Variants in MARCHF6 observed in about 807,000 individuals in gnomAD.
The protein encoded by MARCHF6 is E3 ubiquitin-protein ligase MARCHF6.
A neutral mutation model predicts 133.7 loss-of-function variants in MARCHF6; 31 were observed. The observed-to-expected ratio is 0.23, with a 90% CI of 0.17 to 0.31. The LOEUF (loss-of-function observed/expected upper bound fraction) is 0.31. Ranked by LOEUF, MARCHF6 falls within the 10% of genes least tolerant of loss-of-function variation. The pLI is 1.00. For synonymous variants in MARCHF6, 395 were observed against 402.5 expected (o/e 0.98, Z 0.22); for missense variants, 723 against 1,121.6 (o/e 0.64, Z 5.08).
chr5:10,434,060 G>C lies in MARCHF6; in HGVS notation c.*376G>C, dbSNP rs1561157428. The C allele has an allele frequency of 1.6e-5, 3 of 191,708 alleles. No homozygotes were observed. The highest frequency in any genetic ancestry group is 3.3e-5 in the Non-Finnish European group (3 of 91,708). The allele number at this position is 191,708 out of a possible 1,614,324, so 11.9% of individuals were successfully genotyped here. On this transcript the variant is annotated 3_prime_UTR_variant, in exon 26 of 26. Coordinates refer to ENST00000274140, the MANE Select transcript of MARCHF6 (RefSeq NM_005885.4). ...CCACAGAGCAGTAGTGCGCAGGCAA[G>C]ACTTTTCAGTGACGCCTTGTGGAAC...
chr5:10,371,515 G>A (rs1736462301), intron 1 of MARCHF6, among the ~76,000 whole-genome samples: 1 of 152,214 alleles, frequency 6.6e-6, no homozygotes, highest in Non-Finnish European at 1.5e-5. Context: ...GAGAGAGCAA[G>A]TGAGCTTGTG....
At chr5:10,421,038 A>G (rs1026632067) in intron 22 of MARCHF6, among the ~76,000 whole-genome samples, 4 of 152,156 alleles carry the variant, frequency 2.6e-5, no homozygotes, top group Non-Finnish European at 4.4e-5. Context: ...CCTTGCTGCA[A>G]TGAGTAATAA....
At chr5:10,372,316 TA>T (rs1440584872) in intron 1 of MARCHF6, among the ~76,000 whole-genome samples, 2 of 152,220 alleles carry the variant, frequency 1.3e-5, no homozygotes, top group Non-Finnish European at 2.9e-5. Flanking sequence ...TTAGTGGATA[TA>T]ATGCTTTATG....
chr5:10,386,738 C>A (rs574442460), intron 4 of MARCHF6, among the ~76,000 whole-genome samples: 1 of 152,058 alleles, frequency 6.6e-6, no homozygotes, highest in East Asian at 1.9e-4. Context: ...TAAGCTCATT[C>A]AATAAAAAAA....
At chr5:10,410,107 A>G in intron 17 of MARCHF6, 32 bp from the exon 18 acceptor site, 2 of 1,610,166 alleles carry the variant, frequency 1.2e-6, no homozygotes, top group Non-Finnish European at 1.7e-6. Flanking sequence ...TATGCAAAAT[A>G]CAATTCACAT....
chr5:10,374,032 C>G (rs1364872314), intron 1 of MARCHF6, among the ~76,000 whole-genome samples: 1 of 151,456 alleles, frequency 6.6e-6, no homozygotes, highest in African/African-American at 2.4e-5. Context: ...GTAGTGCCTA[C>G]TGAGGCGACC....
intron 1 of MARCHF6, among the ~76,000 whole-genome samples, chr5:10,360,387 C>T (rs914333021): frequency 6.6e-6 from 1 of 152,040 alleles, no homozygotes; most frequent in African/African-American, 2.4e-5. Flanking sequence ...GATCCATCTG[C>T]CTCAGCCTCC....
chr5:10,430,320 T>G (rs1740303595), intron 25 of MARCHF6, among the ~76,000 whole-genome samples: 1 of 149,070 alleles, frequency 6.7e-6, no homozygotes, highest in South Asian at 2.1e-4. Context: ...TTTTTTTTTT[T>G]TTTTGAGACG....
chr5:10,356,511 T>C (rs997933278), intron 1 of MARCHF6, among the ~76,000 whole-genome samples: 10 of 151,910 alleles, frequency 6.6e-5, no homozygotes, highest in African/African-American at 2.4e-4. Flanking sequence ...TTCTCCTGTC[T>C]CAGCCTCCTG....
chr5:10,364,214 G>A (rs2126651959), intron 1 of MARCHF6, among the ~76,000 whole-genome samples: 1 of 152,312 alleles, frequency 6.6e-6, no homozygotes, highest in South Asian at 2.1e-4. Context: ...AGGTAGAGCA[G>A]TTGGAATTTT....
At chr5:10,420,528 A>G (rs892551271) in intron 22 of MARCHF6, among the ~76,000 whole-genome samples, 11 of 152,198 alleles carry the variant, frequency 7.2e-5, no homozygotes, top group African/African-American at 2.7e-4. Context: ...CTGCCTTTTA[A>G]TGTTACGCAG....
chr5:10,383,807 C>G (rs1173987533), intron 4 of MARCHF6, among the ~76,000 whole-genome samples: 1 of 152,196 alleles, frequency 6.6e-6, no homozygotes, highest in Non-Finnish European at 1.5e-5. Context: ...TTTTGGGTAA[C>G]AGCCTGGAAC....
At chr5:10,366,454 A>G (rs1401493508) in intron 1 of MARCHF6, among the ~76,000 whole-genome samples, 1 of 152,252 alleles carries the variant, frequency 6.6e-6, no homozygotes, top group Non-Finnish European at 1.5e-5. Flanking sequence ...AACAAGGTCA[A>G]CATTAACAGT....
Position 10,435,663 on chromosome 5 carries a change from A to AC in MARCHF6, c.*1979_*1980insC, listed in dbSNP as rs1561159394. 17 of 6,946 alleles carry AC rather than the reference A, an allele frequency of 2.4e-3. No individual in the cohort carries two copies. The highest frequency in any genetic ancestry group is 0.017 in the African/African-American group (15 of 880). 0.4% of individuals were successfully genotyped at this position (6,946 alleles called of 1,614,324 possible). A position where few individuals can be genotyped will look rare whatever the true frequency, so the allele number is the denominator to read the frequency against. ...ACTATATATATATATATATATATAT[A>AC]TATATATATATATATATATATATAT... On this transcript the variant is annotated 3_prime_UTR_variant, in exon 26 of 26. Transcript: ENST00000274140.
At position 10,353,816 on chromosome 5, in the gene MARCHF6, G is replaced by T; in HGVS notation, c.-83G>T. The stretch of plus-strand genomic sequence containing the variant: ...GAGCGTACGCACCTGCCCGGGCCCG[G>T]CTCCCTCCTCCTCTCCCCTCCCTCT... On this transcript the variant is annotated 5_prime_UTR_variant, in exon 1 of 26. Coordinates refer to ENST00000274140, the MANE Select transcript of MARCHF6 (RefSeq NM_005885.4). 2 of 1,329,590 alleles carry T rather than the reference G, an allele frequency of 1.5e-6. No homozygotes were observed. The highest frequency in any genetic ancestry group is 1.0e-6 in the Non-Finnish European group (1 of 963,732). The allele number at this position is 1,329,590 out of a possible 1,614,324, so 82.4% of individuals were successfully genotyped here. A position where few individuals can be genotyped will look rare whatever the true frequency, so the allele number is the denominator to read the frequency against.
Position 10,438,150 on chromosome 5 carries a change from C to G in MARCHF6, c.*4466C>G, listed in dbSNP as rs994808856. 8 of 152,160 alleles carry G rather than the reference C, an allele frequency of 5.3e-5. No homozygotes were observed. Among genetic ancestry groups the G allele is most frequent in the Non-Finnish European group, 8.8e-5 (6 of 68,022 alleles). The allele number at this position is 152,160 out of a possible 1,614,324, so 9.4% of individuals were successfully genotyped here. On this transcript the variant is annotated 3_prime_UTR_variant, in exon 26 of 26. Coordinates refer to ENST00000274140, the MANE Select transcript of MARCHF6 (RefSeq NM_005885.4). ...CACTTCTGCATGTCTGCTACGAGAT[C>G]AGAAAGTCAGTTTCACTAAGGTTGT...
intron 8 of MARCHF6, 35 bp from the exon 9 acceptor site, chr5:10,394,718 C>T (rs190056591): frequency 6.5e-7 from 1 of 1,543,620 alleles, no homozygotes; most frequent in African/African-American, 1.4e-5. Context: ...TCTGTTGCAT[C>T]TTAAATTAAT....
At chr5:10,367,152 C>T (rs1373464423) in intron 1 of MARCHF6, among the ~76,000 whole-genome samples, 1 of 152,060 alleles carries the variant, frequency 6.6e-6, no homozygotes. Flanking sequence ...TCGTCAGAAA[C>T]AAGGAAAATC....
Position 10,396,884 on chromosome 5 carries a change from C to T in MARCHF6, c.862-409C>T, listed in dbSNP as rs1009518949. 7.9e-4 allele frequency among the ~76,000 whole-genome samples: 120 copies of T among 152,174 alleles called. 1 individual carries two copies. Among genetic ancestry groups the T allele is most frequent in the African/African-American group, 2.7e-3 (114 of 41,498 alleles). On this transcript the variant is annotated intron_variant, in intron 9 of 25. Coordinates refer to ENST00000274140, the MANE Select transcript of MARCHF6 (RefSeq NM_005885.4). ...GTAGGTGTCAAGAAGGCAGATTGGA[C>T]GTTGAAAGAAACACTGCAGTTGACG...
Sources: allele counts gnomAD v4.1 joint callset (sites outside exome capture counted in the v4.1 genomes callset), GRCh38; gene constraint gnomAD v4.1.1; transcripts MANE v1.5; gene names NCBI Gene and HGNC (gene_info 2026-07-23, HGNC 2026-07-21).